The following CD38 variants were observed in gnomAD, a reference collection of about 807,000 sequenced individuals.
The protein encoded by CD38 is ADP-ribosyl cyclase/cyclic ADP-ribose hydrolase 1.
CD38 carries 31 observed loss-of-function variants against 36.3 expected under a neutral mutation model. That is an observed-to-expected ratio of 0.85 (90% CI 0.64 to 1.15). The LOEUF (loss-of-function observed/expected upper bound fraction) is 1.15, where lower values mean the gene tolerates loss of function less well. Among genes scored for constraint, CD38 ranks in the 50% most tolerant of loss-of-function variants. The pLI is 0.00. For missense variants in CD38, 380 were observed against 371.9 expected, an observed-to-expected ratio of 1.02 and a Z score of -0.18; for synonymous variants, 131 against 135.2, an observed-to-expected ratio of 0.97 and a Z score of 0.22.
At chr4:15,818,950 T>C (rs924383502) in intron 2 of CD38, among the ~76,000 whole-genome samples, 5 of 152,068 alleles carry the variant, frequency 3.3e-5, no homozygotes, top group African/African-American at 1.2e-4. Context: ...GTGCCTCTTC[T>C]CCTCCAGATG....
intron 3 of CD38, among the ~76,000 whole-genome samples, chr4:15,830,431 T>C (rs1723936275): frequency 6.6e-6 from 1 of 152,204 alleles, no homozygotes; most frequent in African/African-American, 2.4e-5. Flanking sequence ...CCATTTTTAA[T>C]TGGATTATTA....
intron 2 of CD38, among the ~76,000 whole-genome samples, chr4:15,818,076 C>G (rs1387662367): frequency 6.7e-6 from 1 of 150,294 alleles, no homozygotes; most frequent in Non-Finnish European, 1.5e-5. Context: ...CTCACTCCCA[C>G]GGAGACCAGC....
intron 3 of CD38, among the ~76,000 whole-genome samples, chr4:15,826,871 G>C (rs1317485782): frequency 6.6e-6 from 1 of 152,128 alleles, no homozygotes; most frequent in Non-Finnish European, 1.5e-5. Context: ...CCTCAATTTA[G>C]TGTGAAGTTC....
chr4:15,789,612 C>T (rs1722914257), intron 1 of CD38, among the ~76,000 whole-genome samples: 1 of 152,104 alleles, frequency 6.6e-6, no homozygotes, highest in African/African-American at 2.4e-5. Flanking sequence ...GAGATTGGCC[C>T]TTTAGGAGGT....
chr4:15,803,933 T>C (rs1421090489), intron 1 of CD38, among the ~76,000 whole-genome samples: 5 of 152,208 alleles, frequency 3.3e-5, no homozygotes, highest in Admixed American at 2.6e-4. Context: ...TTAACTTGTT[T>C]AGGATAATGG....
At chr4:15,824,122 G>GA (rs1431035495) in intron 2 of CD38, among the ~76,000 whole-genome samples, 7 of 152,088 alleles carry the variant, frequency 4.6e-5, no homozygotes, top group African/African-American at 1.7e-4. Context: ...ACCAGGAGGG[G>GA]AAAAACACAC....
intron 1 of CD38, among the ~76,000 whole-genome samples, chr4:15,810,847 C>T (rs1247816119): frequency 1.3e-5 from 2 of 152,184 alleles, no homozygotes; most frequent in African/African-American, 4.8e-5. Flanking sequence ...GGATGCCACC[C>T]TTGCATTAAT....
intron 2 of CD38, among the ~76,000 whole-genome samples, chr4:15,824,438 G>T (rs370046894): frequency 2.6e-5 from 4 of 151,596 alleles, no homozygotes; most frequent in African/African-American, 7.3e-5. Context: ...TTTTTTTTTA[G>T]TAGGGGTAGG....
At chr4:15,826,083 T>C (rs2148924837) in intron 3 of CD38, 1 of 152,234 alleles carries the variant, frequency 6.6e-6, no homozygotes, top group South Asian at 2.1e-4. Flanking sequence ...AGGTTTGCAT[T>C]ACTTTCAATT....
intron 1 of CD38, among the ~76,000 whole-genome samples, chr4:15,787,100 G>A (rs554355212): frequency 1.7e-4 from 26 of 152,336 alleles, no homozygotes; most frequent in African/African-American, 3.8e-4. Context: ...CTACACCTCC[G>A]CTCAAGCAGA....
At chr4:15,813,414 G>T (rs1326205864) in intron 1 of CD38, among the ~76,000 whole-genome samples, 2 of 151,952 alleles carry the variant, frequency 1.3e-5, no homozygotes, top group East Asian at 3.9e-4. Context: ...TTAAATTGAT[G>T]GATTTTTACA....
At position 15,853,177 on chromosome 4, in the gene CD38, AT is replaced by A. The variant is rs1724436011; in HGVS notation, c.*4578del. On this transcript the variant is annotated 3_prime_UTR_variant, in exon 8 of 8. Coordinates refer to ENST00000226279, the MANE Select transcript of CD38 (RefSeq NM_001775.4). ...AACATCTGTGACTCTCTAGTTTGAA[AT>A]TTATTTGTAACAGACAAAAATGAAT... 6.6e-6 allele frequency: 1 copy of A among 152,214 alleles called. No individual in the cohort carries two copies. Among genetic ancestry groups the A allele is most frequent in the African/African-American group, 2.4e-5 (1 of 41,456 alleles). The allele number at this position is 152,214 out of a possible 1,614,324, so 9.4% of individuals were successfully genotyped here. A position where few individuals can be genotyped will look rare whatever the true frequency, so the allele number is the denominator to read the frequency against.
chr4:15,815,940 C>T lies in CD38; in HGVS notation c.234-571C>T, dbSNP rs150838346. ...CTTATTATTTTGAGATATGTTCCAT[C>T]GATACCTAGTTTATTGAGAGTTTTT... On this transcript the variant is annotated intron_variant, in intron 1 of 7. Transcript: ENST00000226279. 4.2e-3 allele frequency among the ~76,000 whole-genome samples: 644 copies of T among 152,160 alleles called. 6 individuals are homozygous for T. The highest frequency in any genetic ancestry group is 9.7e-3 in the African/African-American group (402 of 41,490).
intron 1 of CD38, among the ~76,000 whole-genome samples, chr4:15,792,759 A>G (rs1159811158): frequency 6.6e-6 from 1 of 152,230 alleles, no homozygotes; most frequent in Non-Finnish European, 1.5e-5. Flanking sequence ...AAAAAACACA[A>G]CTATCATACC....
intron 1 of CD38, among the ~76,000 whole-genome samples, chr4:15,799,606 A>G (rs1205915996): frequency 6.6e-6 from 1 of 152,148 alleles, no homozygotes; most frequent in Admixed American, 6.5e-5. Context: ...TATTGTGTGT[A>G]TATATCACAA....
intron 1 of CD38, among the ~76,000 whole-genome samples, chr4:15,800,456 G>C (rs374784551): frequency 6.6e-6 from 1 of 152,142 alleles, no homozygotes; most frequent in Non-Finnish European, 1.5e-5. Flanking sequence ...CTACGTCCTT[G>C]TTAACATTTG....
chr4:15,816,578 A>T lies in CD38; in HGVS notation c.301A>T (p.Ile101Phe), dbSNP rs1407119841. 6.2e-7 allele frequency: 1 copy of T among 1,613,934 alleles called. No individual in the cohort carries two copies. The highest frequency in any genetic ancestry group is 1.1e-5 in the South Asian group (1 of 91,076). ...ATTTATTTCAAAACATCCTTGCAAC[A>T]TTACTGAAGAAGACTATCAGCCACT... Reference protein sequence around the residue: ...GAFISKHPCNITEEDYQPLMK... With the variant: ...GAFISKHPCNFTEEDYQPLMK... The change falls in exon 2 of 8, where the codon ATT becomes TTT. Residue 101 changes from isoleucine (I) to phenylalanine (F), a missense_variant. Ile to Phe is a conservative substitution (Grantham distance 21). Transcript: ENST00000226279.
At position 15,852,651 on chromosome 4, in the gene CD38, A is replaced by T. The variant is rs1316610808; in HGVS notation, c.*4049A>T. 1.3e-5 allele frequency: 2 copies of T among 152,134 alleles called. No individual in the cohort carries two copies. The highest frequency in any genetic ancestry group is 4.8e-5 in the African/African-American group (2 of 41,428). 9.4% of individuals were successfully genotyped at this position (152,134 alleles called of 1,614,324 possible). On this transcript the variant is annotated 3_prime_UTR_variant, in exon 8 of 8. Transcript: ENST00000226279. ...ACAGAGCAATTAATTTACTTTTACT[A>T]TGAAGAGTCATCATTTTAGTATGTA...
intron 7 of CD38, among the ~76,000 whole-genome samples, chr4:15,841,654 T>G (rs1724210302): frequency 6.6e-6 from 1 of 150,514 alleles, no homozygotes; most frequent in Admixed American, 6.6e-5. Flanking sequence ...GGTACCGGGT[T>G]CATCTCACTA....
Sources: allele counts gnomAD v4.1 joint callset (sites outside exome capture counted in the v4.1 genomes callset), GRCh38; gene constraint gnomAD v4.1.1; transcripts MANE v1.5; gene names NCBI Gene and HGNC (gene_info 2026-07-23, HGNC 2026-07-21).